The following WDR7 variants were observed in gnomAD, a reference collection of about 807,000 sequenced individuals.
The protein encoded by WDR7 is WD repeat-containing protein 7.
Under a neutral mutation model 169.4 loss-of-function variants are expected in WDR7, and 46 were observed. The ratio of observed to expected loss-of-function variants is 0.27; its 90% confidence interval spans 0.21 to 0.35. WDR7 has a LOEUF of 0.35. Ranked by LOEUF, WDR7 falls within the 10% of genes least tolerant of loss-of-function variation. The probability of loss-of-function intolerance (pLI) is 1.00; values close to 1 mark genes in which losing one functional copy is unlikely to be tolerated. For missense variants in WDR7, 1,534 were observed against 1,859.3 expected (o/e 0.83, Z 3.22); for synonymous variants, 612 against 666.8 (o/e 0.92, Z 1.27).
At chr18:57,025,139 T>C (rs931149056) in intron 27 of WDR7, among the ~76,000 whole-genome samples, 13 of 152,046 alleles carry the variant, frequency 8.6e-5, no homozygotes, top group Non-Finnish European at 1.9e-4. Context: ...AAGAGAGGAA[T>C]TAAAAATAAG....
At chr18:57,014,193 G>A (rs1210596516) in intron 26 of WDR7, among the ~76,000 whole-genome samples, 2 of 151,884 alleles carry the variant, frequency 1.3e-5, no homozygotes, top group Non-Finnish European at 2.9e-5. Context: ...GGGCGTCATG[G>A]CATGCACCTG....
chr18:56,657,397 C>A (rs966485435), intron 1 of WDR7, among the ~76,000 whole-genome samples: 1 of 152,168 alleles, frequency 6.6e-6, no homozygotes, highest in Non-Finnish European at 1.5e-5. Flanking sequence ...TATCCTCCCA[C>A]CTAGGCCTCC....
rs181967997 is a variant in WDR7, at chr18:56,992,621, G to A, written c.4165-28124G>A. 1.3e-3 allele frequency among the ~76,000 whole-genome samples: 194 copies of A among 152,256 alleles called. 1 individual carries two copies. Among genetic ancestry groups the A allele is most frequent in the African/African-American group, 4.5e-3 (189 of 41,550 alleles). Reference sequence around the variant, plus strand: ...ATTAGGGCCACACGGAACATATAACGGTAATGGAGAACTATTCCAGGTAAA... The same window carrying A: ...ATTAGGGCCACACGGAACATATAACAGTAATGGAGAACTATTCCAGGTAAA... On this transcript the variant is annotated intron_variant, in intron 26 of 27. Coordinates refer to ENST00000254442, the MANE Select transcript of WDR7 (RefSeq NM_015285.3).
At chr18:56,930,777 T>C (rs1309869463) in intron 22 of WDR7, among the ~76,000 whole-genome samples, 2 of 152,212 alleles carry the variant, frequency 1.3e-5, no homozygotes, top group Non-Finnish European at 2.9e-5. Flanking sequence ...ACCCTGTTCC[T>C]ATTGACCAAA....
At chr18:56,948,236 T>A (rs1014625809) in intron 25 of WDR7, among the ~76,000 whole-genome samples, 2 of 152,166 alleles carry the variant, frequency 1.3e-5, no homozygotes, top group Admixed American at 1.3e-4. Context: ...CTTCATTTCT[T>A]TTATAGCAAC....
chr18:56,788,796 T>C (rs8096937), intron 19 of WDR7, among the ~76,000 whole-genome samples: 1 of 151,918 alleles, frequency 6.6e-6, no homozygotes, highest in African/African-American at 2.4e-5. Context: ...GTAATAGTTG[T>C]CTTATAGTGT....
chr18:56,859,894 A>G (rs930447785), intron 20 of WDR7, among the ~76,000 whole-genome samples: 3 of 152,212 alleles, frequency 2.0e-5, no homozygotes, highest in South Asian at 2.1e-4. Context: ...TGGAAGTCAT[A>G]TAGGCATTCG....
chr18:56,682,418 A>T (rs546716728), intron 4 of WDR7, among the ~76,000 whole-genome samples: 2 of 152,310 alleles, frequency 1.3e-5, no homozygotes, highest in South Asian at 4.1e-4. Flanking sequence ...CACGAATTCT[A>T]TTTCAAAATA....
At chr18:56,919,927 G>A (rs979490000) in intron 21 of WDR7, among the ~76,000 whole-genome samples, 1 of 152,066 alleles carries the variant, frequency 6.6e-6, no homozygotes, top group Admixed American at 6.6e-5. Flanking sequence ...TTAAAACTTT[G>A]TAATGGTTTT....
chr18:56,824,058 G>A (rs1568216080), intron 20 of WDR7, among the ~76,000 whole-genome samples: 1 of 152,114 alleles, frequency 6.6e-6, no homozygotes, highest in Non-Finnish European at 1.5e-5. Flanking sequence ...GATATCTAGG[G>A]TTCTTCAAGG....
At chr18:56,815,084 A>G (rs978956132) in intron 19 of WDR7, among the ~76,000 whole-genome samples, 4 of 152,184 alleles carry the variant, frequency 2.6e-5, no homozygotes, top group Non-Finnish European at 5.9e-5. Context: ...ATAAATGTTT[A>G]AGTTAATACC....
chr18:56,972,816 C>T (rs2047509116), intron 26 of WDR7, among the ~76,000 whole-genome samples: 1 of 152,014 alleles, frequency 6.6e-6, no homozygotes, highest in Non-Finnish European at 1.5e-5. Context: ...TTATTTATCC[C>T]ACCACTCACA....
At position 56,928,133 on chromosome 18, in the gene WDR7, T is replaced by C. The variant is rs560664177; in HGVS notation, c.3713+4025T>C. Among the ~76,000 whole-genome samples the C allele has an allele frequency of 4.6e-5, 7 of 152,302 alleles. 1 individual carries two copies. In the South Asian group the frequency reaches 1.5e-3, roughly 32 times the overall value. On this transcript the variant is annotated intron_variant, in intron 22 of 27. Transcript: ENST00000254442. ...TTTTAGCTAATTTTATTTGTTAATT[T>C]CTTGTAGAACTTAAACTGGGATTCT... is the stretch of plus-strand genomic sequence containing the variant.
chr18:56,916,939 T>G (rs1456117874), intron 21 of WDR7, among the ~76,000 whole-genome samples: 2 of 151,998 alleles, frequency 1.3e-5, no homozygotes, highest in Admixed American at 1.3e-4. Flanking sequence ...GGCTCACGCC[T>G]GTAATCCCAG....
intron 19 of WDR7, among the ~76,000 whole-genome samples, chr18:56,791,153 G>T (rs1006879349): frequency 1.5e-4 from 23 of 152,102 alleles, no homozygotes; most frequent in Non-Finnish European, 1.5e-4. Flanking sequence ...TTGTGTGTGT[G>T]TGTATAATCT....
chr18:56,675,562 C>T (rs936315076), intron 2 of WDR7, among the ~76,000 whole-genome samples: 2 of 151,416 alleles, frequency 1.3e-5, no homozygotes, highest in Non-Finnish European at 2.9e-5. Flanking sequence ...CATCTTGTAT[C>T]TTACAACCTT....
chr18:56,714,408 TAC>T (rs2144725067), intron 12 of WDR7, among the ~76,000 whole-genome samples: 1 of 152,086 alleles, frequency 6.6e-6, no homozygotes, highest in African/African-American at 2.4e-5. Context: ...TATTATCATT[TAC>T]AGAGATGGTA....
At chr18:56,667,126 T>G (rs2025042134) in intron 1 of WDR7, among the ~76,000 whole-genome samples, 1 of 152,166 alleles carries the variant, frequency 6.6e-6, no homozygotes, top group Non-Finnish European at 1.5e-5. Flanking sequence ...GATTCCTCTT[T>G]AGCGTCATTG....
intron 26 of WDR7, among the ~76,000 whole-genome samples, chr18:56,973,279 A>T (rs1042097065): frequency 6.6e-6 from 1 of 152,260 alleles, no homozygotes; most frequent in Non-Finnish European, 1.5e-5. Context: ...TAATGGGATG[A>T]GACAGAGAGT....
Sources: gnomAD v4.1 joint callset for allele counts (sites outside exome capture counted in the v4.1 genomes callset) on GRCh38, gnomAD v4.1.1 for gene constraint, MANE v1.5 for transcripts, NCBI Gene and HGNC (gene_info 2026-07-23, HGNC 2026-07-21) for gene names.